Variants in WWP2 observed in about 807,000 individuals in gnomAD.
WWP2 encodes NEDD4-like E3 ubiquitin-protein ligase WWP2.
In WWP2, 57 loss-of-function variants were observed where a neutral mutation model predicts 121.0. The observed-to-expected ratio is 0.47, with a 90% CI of 0.38 to 0.59. The LOEUF is 0.59. Among genes scored for constraint, WWP2 ranks in the 20% least tolerant of loss-of-function variants. The pLI, the probability that WWP2 is intolerant of heterozygous loss-of-function variation, is 0.00. For synonymous variants in WWP2, 449 were observed against 441.3 expected, an observed-to-expected ratio of 1.02 and a Z score of -0.22; for missense variants, 962 against 1,158.9, an observed-to-expected ratio of 0.83 and a Z score of 2.47.
chr16:69,894,794 G>A (rs1484806651), intron 8 of WWP2, among the ~76,000 whole-genome samples: 1 of 152,176 alleles, frequency 6.6e-6, no homozygotes, highest in Non-Finnish European at 1.5e-5. Flanking sequence ...TGTGTACATG[G>A]CTTAGATAAA....
intron 1 of WWP2, among the ~76,000 whole-genome samples, chr16:69,778,178 A>ATG (rs1232745868): frequency 1.2e-5 from 1 of 86,164 alleles, no homozygotes; most frequent in African/African-American, 8.4e-5. Context: ...AAATAAATAT[A>ATG]TATATATATA....
chr16:69,937,468 T>C lies in WWP2; in HGVS notation c.2239-80T>C. Reference sequence around the variant, plus strand: ...CCAAAAATAGCTAGTTGAATATGTTTGGGGTAATGTCAAGTGCTAGCGAGT... The same window carrying C: ...CCAAAAATAGCTAGTTGAATATGTTCGGGGTAATGTCAAGTGCTAGCGAGT... On this transcript the variant is annotated intron_variant, in intron 20 of 23. Transcript: ENST00000359154. This position sits in a 1 kb window ranked among gnomAD's most constrained non-coding sequence, Gnocchi z 6.6. 6.8e-7 allele frequency: 1 copy of C among 1,478,970 alleles called. No individual in the cohort carries two copies. The highest frequency in any genetic ancestry group is 9.4e-7 in the Non-Finnish European group (1 of 1,064,000). 91.6% of individuals were successfully genotyped at this position (1,478,970 alleles called of 1,614,324 possible). A position where few individuals can be genotyped will look rare whatever the true frequency, so the allele number is the denominator to read the frequency against.
At chr16:69,887,515 C>T (rs1159288856) in intron 7 of WWP2, among the ~76,000 whole-genome samples, 2 of 152,124 alleles carry the variant, frequency 1.3e-5, no homozygotes, top group Non-Finnish European at 2.9e-5. Flanking sequence ...AAGCGATTCT[C>T]CTGCCTCAGC....
chr16:69,885,898 T>A (rs1409383461), intron 7 of WWP2, among the ~76,000 whole-genome samples: 1 of 152,192 alleles, frequency 6.6e-6, no homozygotes, highest in African/African-American at 2.4e-5. Flanking sequence ...GTAATCTGAC[T>A]CTGCTGGCCT....
At chr16:69,790,834 C>G (rs887320708) in intron 2 of WWP2, among the ~76,000 whole-genome samples, 21 of 152,250 alleles carry the variant, frequency 1.4e-4, no homozygotes, top group South Asian at 1.2e-3. Context: ...CCTCAGCCCC[C>G]CAAAGTGCTG....
chr16:69,939,943 G>T lies in WWP2; in HGVS notation c.*3G>T. 1 of 1,612,182 alleles carries T rather than the reference G, an allele frequency of 6.2e-7. No homozygotes were observed. The highest frequency in any genetic ancestry group is 8.5e-7 in the Non-Finnish European group (1 of 1,179,194). ...CCGAGGGCTTTGGACAGGAGTAACC[G>T]AGGCCGCCCCTCCCACGCCCCCCAG... On this transcript the variant is annotated 3_prime_UTR_variant, in exon 24 of 24. Coordinates refer to ENST00000359154, the MANE Select transcript of WWP2 (RefSeq NM_001270454.2).
intron 4 of WWP2, among the ~76,000 whole-genome samples, chr16:69,822,680 C>G (rs2056614410): frequency 6.6e-6 from 1 of 152,046 alleles, no homozygotes; most frequent in Non-Finnish European, 1.5e-5. Flanking sequence ...GTGGAGGGAA[C>G]AGCATGTGGG....
intron 6 of WWP2, among the ~76,000 whole-genome samples, chr16:69,843,333 T>G (rs1041841001): frequency 6.6e-6 from 1 of 152,118 alleles, no homozygotes; most frequent in Non-Finnish European, 1.5e-5. Context: ...ATTTTATACC[T>G]GTGTTAGTGG....
chr16:69,929,228 G>A (rs1567439127), intron 11 of WWP2, among the ~76,000 whole-genome samples: 1 of 152,070 alleles, frequency 6.6e-6, no homozygotes, highest in Admixed American at 6.6e-5. Context: ...CGAGTTGGAA[G>A]TATGTCACCC....
chr16:69,908,679 G>A (rs1056812025), intron 8 of WWP2, 82 bp from the exon 9 acceptor site: 1 of 1,569,174 alleles, frequency 6.4e-7, no homozygotes, highest in Non-Finnish European at 8.6e-7. Flanking sequence ...TTAGCCACAT[G>A]AGTGATGAAG....
intron 10 of WWP2, among the ~76,000 whole-genome samples, chr16:69,924,603 C>T (rs974191329): frequency 6.6e-6 from 1 of 151,936 alleles, no homozygotes. Context: ...GGGGGGGATT[C>T]TAATGTAAAC....
chr16:69,888,617 G>A (rs887520177), intron 8 of WWP2, among the ~76,000 whole-genome samples: 8 of 152,084 alleles, frequency 5.3e-5, no homozygotes, highest in East Asian at 1.9e-4. Context: ...ATCAGCCCAC[G>A]GAGGAGTTGG....
intron 4 of WWP2, among the ~76,000 whole-genome samples, chr16:69,839,472 C>T (rs915242892): frequency 6.6e-6 from 1 of 152,196 alleles, no homozygotes; most frequent in African/African-American, 2.4e-5. Flanking sequence ...TTTTCTGCTA[C>T]AGTCACCCAC....
chr16:69,772,337 C>T (rs1487483438), intron 1 of WWP2, among the ~76,000 whole-genome samples: 1 of 152,132 alleles, frequency 6.6e-6, no homozygotes, highest in African/African-American at 2.4e-5. Flanking sequence ...TGCCAGTCCT[C>T]CTGTTTTTAG....
At chr16:69,804,606 A>G (rs1395259043) in intron 4 of WWP2, among the ~76,000 whole-genome samples, 1 of 152,140 alleles carries the variant, frequency 6.6e-6, no homozygotes, top group Non-Finnish European at 1.5e-5. Flanking sequence ...AATATCTGGC[A>G]GTTAAGTTTC....
intron 1 of WWP2, among the ~76,000 whole-genome samples, chr16:69,784,360 A>G (rs530470350): frequency 6.6e-6 from 1 of 152,236 alleles, no homozygotes; most frequent in African/African-American, 2.4e-5. Context: ...TTGGCCTCCC[A>G]GAGCGCTGGG....
chr16:69,887,463 TGGCATAGTCTTGGCTGACTGCAA>T, intron 7 of WWP2, among the ~76,000 whole-genome samples: 1 of 152,290 alleles, frequency 6.6e-6, no homozygotes, highest in Admixed American at 6.5e-5. Flanking sequence ...TGGAGTGCAG[TGGCATAGTCTTGGCTGACTGCAA>T]ACTCTGCCTC....
chr16:69,840,346 T>G, intron 5 of WWP2, 83 bp downstream of exon 5: 1 of 1,576,610 alleles, frequency 6.3e-7, no homozygotes, highest in Non-Finnish European at 8.6e-7. Flanking sequence ...AGCTTGGTTC[T>G]TACTAGGCCA....
At chr16:69,893,626 C>G (rs1310672984) in intron 8 of WWP2, among the ~76,000 whole-genome samples, 1 of 152,110 alleles carries the variant, frequency 6.6e-6, no homozygotes, top group Non-Finnish European at 1.5e-5. Flanking sequence ...GGTCCAGGCT[C>G]CGTCTCCCAG....
Sources: gnomAD v4.1 joint callset for allele counts (sites outside exome capture counted in the v4.1 genomes callset) on GRCh38, gnomAD v4.1.1 for gene constraint, Gnocchi (gnomAD v3.1) non-coding constraint, MANE v1.5 for transcripts, NCBI Gene and HGNC (gene_info 2026-07-23, HGNC 2026-07-21) for gene names.